Variants in PIK3CD observed in about 807,000 individuals in gnomAD.
PIK3CD encodes the protein phosphatidylinositol 4,5-bisphosphate 3-kinase catalytic subunit delta isoform.
Under a neutral mutation model 122.9 loss-of-function variants are expected in PIK3CD, and 20 were observed. That is an observed-to-expected ratio of 0.16 (90% confidence interval 0.11 to 0.24). The LOEUF (loss-of-function observed/expected upper bound fraction) is 0.24, where lower values mean the gene tolerates loss of function less well. Among genes scored for constraint, PIK3CD ranks in the 10% least tolerant of loss-of-function variants. The pLI is 1.00. For missense variants in PIK3CD, 787 were observed against 1,406.3 expected, an observed-to-expected ratio of 0.56 and a Z score of 7.04; for synonymous variants, 596 against 593.4, an observed-to-expected ratio of 1.00 and a Z score of -0.06.
chr1:9,709,715 T>A (rs1049647733), intron 2 of PIK3CD, among the ~76,000 whole-genome samples: 2 of 149,490 alleles, frequency 1.3e-5, no homozygotes, highest in African/African-American at 2.5e-5. Flanking sequence ...AAAAAAAAAA[T>A]CTATTTCACA....
At chr1:9,680,218 C>G (rs1054528631) in intron 1 of PIK3CD, among the ~76,000 whole-genome samples, 4 of 148,700 alleles carry the variant, frequency 2.7e-5, no homozygotes, top group African/African-American at 7.8e-5. Context: ...TCAAGTGATC[C>G]TCCCACCTCG....
At chr1:9,669,227 G>A (rs933028954) in intron 1 of PIK3CD, among the ~76,000 whole-genome samples, 5 of 152,114 alleles carry the variant, frequency 3.3e-5, no homozygotes, top group African/African-American at 1.2e-4. Flanking sequence ...GCAGTGCAGT[G>A]GAGCTATCAT....
intron 1 of PIK3CD, among the ~76,000 whole-genome samples, chr1:9,674,582 C>T (rs780799829): frequency 6.7e-6 from 1 of 150,004 alleles, no homozygotes; most frequent in Admixed American, 6.7e-5. Context: ...CCCAGCTACT[C>T]GGGAGGCTGA....
In PIK3CD at chr1:9,720,339, C is replaced by T. The variant is rs144540696; in HGVS notation, c.1470+97C>T. On this transcript the variant is annotated intron_variant, in intron 11 of 23. Transcript: ENST00000377346. This position sits in a 1 kb window ranked among gnomAD's most constrained non-coding sequence, Gnocchi z 9.0. ...TTCAGAGGGTGCTCCCTGGCCACGT[C>T]GGGGCTGGGCTACCAGGCATATCTG... is the stretch of plus-strand genomic sequence containing the variant. The T allele has an allele frequency of 2.6e-4, 383 of 1,456,696 alleles. 3 individuals carry two copies. The highest frequency in any genetic ancestry group is 1.5e-3 in the South Asian group (115 of 74,540). The allele number at this position is 1,456,696 out of a possible 1,614,324, so 90.2% of individuals were successfully genotyped here. A position where few individuals can be genotyped will look rare whatever the true frequency, so the allele number is the denominator to read the frequency against.
chr1:9,722,305 G>C lies in PIK3CD; in HGVS notation c.2296G>C (p.Glu766Gln). ...MKPLWIMYSN[E>Q]EAGSGGSVGI... ...GCCCCTGTGGATCATGTACAGCAAC[G>C]AGGAGGCAGGCAGCGGCGGCAGCGT... Residue 766 changes from glutamate to glutamine, a missense_variant, in exon 18 of 24, where the codon GAG (glutamate) becomes CAG (glutamine). Coordinates refer to ENST00000377346, the MANE Select transcript of PIK3CD (RefSeq NM_005026.5). This position sits in a 1 kb window ranked among gnomAD's most constrained non-coding sequence, Gnocchi z 7.6. 6.2e-7 allele frequency: 1 copy of C among 1,613,716 alleles called. No homozygotes were observed. The highest frequency in any genetic ancestry group is 8.5e-7 in the Non-Finnish European group (1 of 1,179,920).
At chr1:9,648,931 T>C (rs1225316349), upstream of PIK3CD, among the ~76,000 whole-genome samples, 1 of 151,914 alleles carries the variant, frequency 6.6e-6, no homozygotes, top group Non-Finnish European at 1.5e-5. Flanking sequence ...TGAAACCTCG[T>C]CTCTACTAAA....
the PIK3CD span, among the ~76,000 whole-genome samples, chr1:9,632,857 GA>G: frequency 2.2e-5 from 3 of 133,804 alleles, no homozygotes; most frequent in Admixed American, 2.6e-4. Context: ...TTAGCAACCT[GA>G]TTCTTTTTTT....
chr1:9,721,662 T>G, intron 15 of PIK3CD, 75 bp downstream of exon 15: 1 of 1,608,370 alleles, frequency 6.2e-7, no homozygotes, highest in Non-Finnish European at 8.5e-7. Context: ...TGGGGACGTT[T>G]CCAGCAGGCC....
intron 1 of PIK3CD, among the ~76,000 whole-genome samples, chr1:9,668,258 C>T (rs1233878947): frequency 2.6e-5 from 4 of 151,994 alleles, no homozygotes; most frequent in African/African-American, 4.8e-5. Context: ...GTAGCTCTTC[C>T]ACTTCCCAGC....
intron 2 of PIK3CD, among the ~76,000 whole-genome samples, chr1:9,702,784 G>C (rs961395199): frequency 6.6e-6 from 1 of 152,008 alleles, no homozygotes; most frequent in African/African-American, 2.4e-5. Context: ...GCCTCCCAAA[G>C]TGCTGGGATT....
chr1:9,718,812 A>C lies in PIK3CD; in HGVS notation c.1139A>C (p.Asn380Thr), dbSNP rs866028543. 6.2e-7 allele frequency: 1 copy of C among 1,612,410 alleles called. No homozygotes were observed. The highest frequency in any genetic ancestry group is 2.2e-5 in the East Asian group (1 of 44,876). Reference protein sequence around the residue: ...VWKQRLEFDINICDLPRMARL... With the variant: ...VWKQRLEFDITICDLPRMARL... ...AAGCAGCGGCTGGAGTTCGACATCAACATCTGCGACCTGCCCCGCATGGCC... is the reference window on the plus strand; with the variant it reads ...AAGCAGCGGCTGGAGTTCGACATCACCATCTGCGACCTGCCCCGCATGGCC... Residue 380 changes from asparagine (N) to threonine (T), a missense_variant, in exon 9 of 24, where the codon AAC becomes ACC. By Grantham distance (65) the Asn-to-Thr change is moderately conservative. This residue lies in a region of PIK3CD where 592 missense variants were observed against 920.6 expected (regional missense o/e 0.64). Coordinates refer to ENST00000377346, the MANE Select transcript of PIK3CD (RefSeq NM_005026.5). The surrounding 1 kb of genome is among the most constrained non-coding windows in gnomAD (Gnocchi z 7.2).
intron 1 of PIK3CD, among the ~76,000 whole-genome samples, chr1:9,676,595 C>T (rs993078433): frequency 6.6e-6 from 1 of 152,224 alleles, no homozygotes; most frequent in Admixed American, 6.5e-5. Context: ...ACCTAGGTGT[C>T]CTTGAGCTGG....
chr1:9,662,696 CTTTTT>C (rs943268060), intron 1 of PIK3CD: 1 of 149,002 alleles, frequency 6.7e-6, no homozygotes, highest in Non-Finnish European at 1.5e-5. Context: ...TTTCTTTCTT[CTTTTT>C]TTTTTGAGAC....
At chr1:9,633,779 T>C in the PIK3CD span, among the ~76,000 whole-genome samples, 18 of 152,138 alleles carry the variant, frequency 1.2e-4, no homozygotes, top group Non-Finnish European at 2.2e-4. Context: ...AGGTTTTTTT[T>C]CTCTAATTTC....
intron 2 of PIK3CD, among the ~76,000 whole-genome samples, chr1:9,692,645 A>G (rs1470364062): frequency 1.3e-5 from 2 of 152,080 alleles, no homozygotes; most frequent in Non-Finnish European, 2.9e-5. Context: ...CAGGAGAATC[A>G]CTTGAACCCA....
At chr1:9,666,627 C>T (rs958867898) in intron 1 of PIK3CD, among the ~76,000 whole-genome samples, 5 of 152,062 alleles carry the variant, frequency 3.3e-5, no homozygotes, top group African/African-American at 1.2e-4. Flanking sequence ...TGTAGTGGCT[C>T]ACACCTGAAT....
intron 1 of PIK3CD, among the ~76,000 whole-genome samples, chr1:9,681,893 C>T (rs531776086): frequency 3.3e-5 from 5 of 152,242 alleles, no homozygotes; most frequent in South Asian, 2.1e-4. Flanking sequence ...GCAGTCTCCC[C>T]GGGACTTAGC....
intron 1 of PIK3CD, among the ~76,000 whole-genome samples, chr1:9,656,401 C>T (rs1162726282): frequency 6.6e-6 from 1 of 152,128 alleles, no homozygotes; most frequent in African/African-American, 2.4e-5. Flanking sequence ...GATTTTGGAA[C>T]GTTGTAGATT....
At chr1:9,699,824 C>T (rs891081414) in intron 2 of PIK3CD, among the ~76,000 whole-genome samples, 11 of 152,156 alleles carry the variant, frequency 7.2e-5, no homozygotes, top group Non-Finnish European at 1.3e-4. Context: ...AACTCTTGGC[C>T]TCAAGTGATT....
Sources: allele counts gnomAD v4.1 joint callset (sites outside exome capture counted in the v4.1 genomes callset), GRCh38; gene constraint gnomAD v4.1.1; regional missense constraint gnomAD v4.1.1; non-coding constraint Gnocchi (gnomAD v3.1); transcripts MANE v1.5; gene names NCBI Gene and HGNC (gene_info 2026-07-23, HGNC 2026-07-21).